Variants in CNTNAP3 observed in about 807,000 individuals in gnomAD.
The protein encoded by CNTNAP3 is contactin-associated protein-like 3.
A neutral mutation model predicts 92.1 loss-of-function variants in CNTNAP3; 36 were observed. The ratio of observed to expected loss-of-function variants is 0.39; its 90% CI spans 0.30 to 0.52. The LOEUF (loss-of-function observed/expected upper bound fraction) is 0.52, where lower values mean the gene tolerates loss of function less well. Ranked by LOEUF, CNTNAP3 falls within the 20% of genes least tolerant of loss-of-function variation. CNTNAP3 has a pLI of 0.76. For missense variants in CNTNAP3, 534 were observed against 1,069.6 expected (o/e 0.50, Z 6.98); for synonymous variants, 232 against 422.3 (o/e 0.55, Z 5.53).
chr9:39,131,783 G>A (rs1227712300), intron 13 of CNTNAP3, among the ~76,000 whole-genome samples: 1 of 151,728 alleles, frequency 6.6e-6, no homozygotes, highest in Non-Finnish European at 1.5e-5. Flanking sequence ...AGCAAAGATC[G>A]TGCCACTGCA....
intron 12 of CNTNAP3, among the ~76,000 whole-genome samples, chr9:39,138,096 T>G (rs1292681303): frequency 5.3e-5 from 8 of 151,918 alleles, no homozygotes; most frequent in South Asian, 2.1e-4. Context: ...CTCACTGTGT[T>G]GCCCAGACTG....
At chr9:39,116,548 G>C (rs1215444986) in intron 14 of CNTNAP3, among the ~76,000 whole-genome samples, 1 of 152,174 alleles carries the variant, frequency 6.6e-6, no homozygotes, top group African/African-American at 2.4e-5. Context: ...AATTACTTCA[G>C]ACCTGAAACT....
chr9:39,115,637 C>G (rs977948209), intron 14 of CNTNAP3, among the ~76,000 whole-genome samples: 2 of 151,896 alleles, frequency 1.3e-5, no homozygotes, highest in African/African-American at 4.8e-5. Flanking sequence ...CTCCACAATG[C>G]TCCCTTCTGA....
intron 18 of CNTNAP3, among the ~76,000 whole-genome samples, chr9:39,090,034 G>T (rs1026914369): frequency 6.6e-6 from 1 of 152,082 alleles, no homozygotes; most frequent in Non-Finnish European, 1.5e-5. Flanking sequence ...CTGCCTCCTG[G>T]GTTCACACCA....
At chr9:39,130,649 C>T (rs1391940624) in intron 13 of CNTNAP3, among the ~76,000 whole-genome samples, 2 of 152,034 alleles carry the variant, frequency 1.3e-5, no homozygotes, top group South Asian at 4.1e-4. Context: ...GGACTACAGG[C>T]ACCTGCCACC....
intron 18 of CNTNAP3, among the ~76,000 whole-genome samples, chr9:39,093,773 T>C (rs1758510): frequency 1.3e-5 from 2 of 151,616 alleles, no homozygotes; most frequent in African/African-American, 4.8e-5. Context: ...CATGTGTTGA[T>C]GGACACTTGT....
At chr9:39,084,194 G>GTTTTTTGT in intron 21 of CNTNAP3, among the ~76,000 whole-genome samples, 1 of 116,876 alleles carries the variant, frequency 8.6e-6, no homozygotes, top group Non-Finnish European at 1.8e-5. Context: ...TGCTCACCAA[G>GTTTTTTGT]TTTTTTTTTT....
chr9:39,096,082 GT>G (rs1466268006), intron 18 of CNTNAP3, among the ~76,000 whole-genome samples: 2 of 90,498 alleles, frequency 2.2e-5, no homozygotes, highest in South Asian at 4.2e-4. Flanking sequence ...CCTCTGTGCT[GT>G]TTTTTTGTAA....
At chr9:39,138,913 A>T (rs903160851) in intron 12 of CNTNAP3, among the ~76,000 whole-genome samples, 4 of 151,966 alleles carry the variant, frequency 2.6e-5, no homozygotes, top group Non-Finnish European at 5.9e-5. Context: ...AAATTGGTTG[A>T]TTTTTCAGTT....
intron 12 of CNTNAP3, among the ~76,000 whole-genome samples, chr9:39,133,758 ATAT>A (rs1821361889): frequency 6.6e-6 from 1 of 151,814 alleles, no homozygotes; most frequent in Admixed American, 6.6e-5. Flanking sequence ...TTGATTACTT[ATAT>A]TGTTTTGATG....
chr9:39,116,751 T>TAA (rs1820867641), intron 14 of CNTNAP3, among the ~76,000 whole-genome samples: 1 of 152,136 alleles, frequency 6.6e-6, no homozygotes, highest in African/African-American at 2.4e-5. Context: ...AATATCCATG[T>TAA]AAATGTATAG....
chr9:39,135,896 G>A (rs1413248006), intron 12 of CNTNAP3, among the ~76,000 whole-genome samples: 4 of 152,054 alleles, frequency 2.6e-5, no homozygotes, highest in South Asian at 2.1e-4. Context: ...TTGGGAGGCC[G>A]AGGCAGGCAG....
intron 13 of CNTNAP3, among the ~76,000 whole-genome samples, chr9:39,122,319 C>T (rs1363960439): frequency 7.9e-5 from 12 of 152,328 alleles, no homozygotes; most frequent in South Asian, 2.1e-4. Flanking sequence ...GGCGCCACTG[C>T]ACTCCAGCCT....
At chr9:39,117,917 G>C in intron 14 of CNTNAP3, 186 bp downstream of exon 14, 1 of 1,322,726 alleles carries the variant, frequency 7.6e-7, no homozygotes, top group Non-Finnish European at 1.0e-6. Flanking sequence ...CAACGAACTA[G>C]TAAATCTTTG....
chr9:39,096,236 C>T (rs1201538407), intron 18 of CNTNAP3, among the ~76,000 whole-genome samples: 5 of 137,844 alleles, frequency 3.6e-5, no homozygotes, highest in African/African-American at 1.3e-4. Context: ...TTATAATTAC[C>T]TGCACACTTA....
At chr9:39,118,042 A>G in intron 14 of CNTNAP3, 61 bp downstream of exon 14, 1 of 1,585,310 alleles carries the variant, frequency 6.3e-7, no homozygotes, top group Middle Eastern at 2.3e-4. Context: ...CATTTAATTA[A>G]CTATGCATAA....
intron 13 of CNTNAP3, among the ~76,000 whole-genome samples, chr9:39,124,497 C>T (rs1269361420): frequency 6.6e-6 from 1 of 151,906 alleles, no homozygotes. Flanking sequence ...CAACAAAAGC[C>T]AAAATTGACA....
At chr9:39,107,102 A>G (rs1433349636) in intron 15 of CNTNAP3, among the ~76,000 whole-genome samples, 1 of 152,110 alleles carries the variant, frequency 6.6e-6, no homozygotes, top group Non-Finnish European at 1.5e-5. Flanking sequence ...ACTCCATTCC[A>G]TATAAATGAA....
intron 13 of CNTNAP3, 33 bp downstream of exon 13, chr9:39,132,899 T>A (rs544039196): frequency 1.3e-6 from 2 of 1,521,674 alleles, no homozygotes; most frequent in South Asian, 2.4e-5. Context: ...CCCGGCCCCG[T>A]GAACCCCTGT....
Sources: gnomAD v4.1 joint callset for allele counts (sites outside exome capture counted in the v4.1 genomes callset) on GRCh38, gnomAD v4.1.1 for gene constraint, MANE v1.5 for transcripts, NCBI Gene and HGNC (gene_info 2026-07-23, HGNC 2026-07-21) for gene names.